The following CHN1 variants were observed in gnomAD, a reference collection of about 807,000 sequenced individuals.
CHN1 encodes N-chimaerin.
CHN1 carries 37 observed loss-of-function variants against 59.5 expected under a neutral mutation model. The observed-to-expected ratio is 0.62, with a 90% CI of 0.48 to 0.82. The LOEUF is 0.82. Among genes scored for constraint, CHN1 ranks in the 40% least tolerant of loss-of-function variants. The pLI is 0.00. For synonymous variants in CHN1, 206 were observed against 200.4 expected (o/e 1.03, Z -0.24); for missense variants, 469 against 571.0 (o/e 0.82, Z 1.82).
chr2:174,892,872 TC>T (rs1688096557), intron 5 of CHN1, among the ~76,000 whole-genome samples: 1 of 152,104 alleles, frequency 6.6e-6, no homozygotes. Flanking sequence ...CATGATCACC[TC>T]AATTGATGCA....
intron 8 of CHN1, among the ~76,000 whole-genome samples, chr2:174,813,783 GCCAA>G (rs1052274025): frequency 6.6e-6 from 1 of 152,150 alleles, no homozygotes; most frequent in Non-Finnish European, 1.5e-5. Context: ...TCTTAGTGAA[GCCAA>G]TTTGAAAATC....
chr2:174,812,251 C>T lies in CHN1; in HGVS notation c.886+58G>A. On this transcript the variant is annotated intron_variant, in intron 9 of 12. Transcript: ENST00000409900. ...GTGCAATGAGGTACCCAAAAGGCAT[C>T]AGGATTGGTACTGGTAGTGAACGGA... The T allele has an allele frequency of 2.8e-6, 4 of 1,441,044 alleles. No individual in the cohort carries two copies. The South Asian group carries it at 6.6e-5, about 24-fold the overall frequency. The allele number at this position is 1,441,044 out of a possible 1,614,324, so 89.3% of individuals were successfully genotyped here.
At position 174,915,171 on chromosome 2, in the gene CHN1, C is replaced by T. The variant is rs1403806348; in HGVS notation, c.147G>A (p.Glu49=). The T allele has an allele frequency of 6.2e-7, 1 of 1,605,362 alleles. No individual in the cohort carries two copies. ...VENRPKYYGR[E]FHGMISREAA... ...CTTCTCTGGAGATCATGCCATGAAA[C>T]CTAAGAAACAAAGTCTATTCAGAAA... The change falls in exon 5 of 13, where the codon GAG becomes GAA. Residue 49 remains glutamate (E), a splice_region_variant and synonymous_variant. Coordinates refer to ENST00000409900, the MANE Select transcript of CHN1 (RefSeq NM_001822.7).
chr2:174,810,432 A>T (rs759481790), intron 10 of CHN1, among the ~76,000 whole-genome samples: 1 of 152,122 alleles, frequency 6.6e-6, no homozygotes, highest in Non-Finnish European at 1.5e-5. Flanking sequence ...TCTATACAGG[A>T]AACTGTGTCA....
intron 7 of CHN1, chr2:174,837,373 T>G (rs1410872404): frequency 6.6e-6 from 1 of 152,200 alleles, no homozygotes; most frequent in Non-Finnish European, 1.5e-5. Flanking sequence ...ATTTTAGGCC[T>G]GATTTGGGCA....
chr2:174,930,467 C>T (rs576769606), intron 3 of CHN1, among the ~76,000 whole-genome samples: 16 of 152,230 alleles, frequency 1.1e-4, no homozygotes, highest in African/African-American at 3.6e-4. Flanking sequence ...CAGGCATGAG[C>T]TCCGTGGAGT....
chr2:174,821,391 C>T (rs537728887), intron 8 of CHN1, among the ~76,000 whole-genome samples: 4 of 152,164 alleles, frequency 2.6e-5, no homozygotes, highest in Admixed American at 6.5e-5. Context: ...ATCAACCTCT[C>T]GCCTCCCTTT....
chr2:174,991,746 G>C (rs1479538066), intron 1 of CHN1, among the ~76,000 whole-genome samples: 2 of 152,122 alleles, frequency 1.3e-5, no homozygotes, highest in Non-Finnish European at 2.9e-5. Flanking sequence ...TAAAGCAATA[G>C]AATAACTTTA....
At chr2:174,836,523 A>T (rs1257487384) in intron 7 of CHN1, among the ~76,000 whole-genome samples, 1 of 152,182 alleles carries the variant, frequency 6.6e-6, no homozygotes, top group Non-Finnish European at 1.5e-5. Context: ...TTTGTCATCC[A>T]TGTTTCATGA....
At chr2:174,891,917 G>C (rs1050692044) in intron 5 of CHN1, among the ~76,000 whole-genome samples, 1 of 152,028 alleles carries the variant, frequency 6.6e-6, no homozygotes, top group Non-Finnish European at 1.5e-5. Context: ...AGTGAAACAA[G>C]AAATATTACA....
At chr2:174,821,653 A>C (rs1194022234) in intron 8 of CHN1, 1 of 389,050 alleles carries the variant, frequency 2.6e-6, no homozygotes. Context: ...TCATGAGGAC[A>C]CTGCATTGTA....
intron 5 of CHN1, among the ~76,000 whole-genome samples, chr2:174,900,996 T>C (rs1434724475): frequency 1.3e-5 from 2 of 152,134 alleles, no homozygotes; most frequent in Admixed American, 1.3e-4. Flanking sequence ...TAATAAATGG[T>C]TGCATAAATA....
intron 6 of CHN1, among the ~76,000 whole-genome samples, chr2:174,860,420 G>C: frequency 6.6e-6 from 1 of 151,690 alleles, no homozygotes; most frequent in East Asian, 1.9e-4. Context: ...TAAATTTTTG[G>C]GTGCTAGACA....
intron 8 of CHN1, among the ~76,000 whole-genome samples, chr2:174,815,220 T>G (rs1463642006): frequency 6.6e-6 from 1 of 151,934 alleles, no homozygotes; most frequent in Non-Finnish European, 1.5e-5. Flanking sequence ...CTACAAAAAT[T>G]TTTAAAAATT....
intron 1 of CHN1, among the ~76,000 whole-genome samples, chr2:174,954,490 C>G (rs1690124738): frequency 6.6e-6 from 1 of 152,136 alleles, no homozygotes; most frequent in Admixed American, 6.5e-5. Flanking sequence ...AAGAAATAAT[C>G]AGCAAAGCAA....
intron 5 of CHN1, among the ~76,000 whole-genome samples, chr2:174,886,475 TG>T (rs1355106221): frequency 1.3e-5 from 2 of 152,254 alleles, no homozygotes; most frequent in African/African-American, 2.4e-5. Context: ...TTATTAACTG[TG>T]TTCTCCTTCC....
chr2:174,930,768 ATT>A (rs145852596), intron 3 of CHN1, among the ~76,000 whole-genome samples: 5 of 145,822 alleles, frequency 3.4e-5, no homozygotes, highest in Admixed American at 1.4e-4. Flanking sequence ...ACTATAGCTG[ATT>A]TTTTTTTTTT....
chr2:174,938,418 C>A (rs1246434839), intron 3 of CHN1, among the ~76,000 whole-genome samples: 1 of 152,126 alleles, frequency 6.6e-6, no homozygotes, highest in Non-Finnish European at 1.5e-5. Flanking sequence ...AAACCATTAG[C>A]ATTAGTGGCT....
At chr2:174,848,204 C>A (rs1040260874) in intron 6 of CHN1, among the ~76,000 whole-genome samples, 23 of 151,916 alleles carry the variant, frequency 1.5e-4, no homozygotes, top group African/African-American at 5.3e-4. Flanking sequence ...TATTTTAATT[C>A]TCTAGTCTCA....
Sources: gnomAD v4.1 joint callset for allele counts (sites outside exome capture counted in the v4.1 genomes callset) on GRCh38, gnomAD v4.1.1 for gene constraint, MANE v1.5 for transcripts, NCBI Gene and HGNC (gene_info 2026-07-23, HGNC 2026-07-21) for gene names.